The following TOR1AIP2 variants were observed in gnomAD, a reference collection of about 807,000 sequenced individuals.
TOR1AIP2 encodes torsin-1A-interacting protein 2.
Under a neutral mutation model 32.6 loss-of-function variants are expected in TOR1AIP2, and 20 were observed. The observed-to-expected ratio is 0.61, with a 90% CI of 0.43 to 0.89. The LOEUF is 0.89. TOR1AIP2 is among the 40% of genes least tolerant of loss of function. The pLI is 0.00. For synonymous variants in TOR1AIP2, 214 were observed against 210.8 expected (o/e 1.02, Z -0.13); for missense variants, 456 against 553.8 (o/e 0.82, Z 1.77).
At chr1:179,846,934 G>C in intron 6 of TOR1AIP2, 106 bp from the exon 7 acceptor site, 1 of 1,231,488 alleles carries the variant, frequency 8.1e-7, no homozygotes, top group Non-Finnish European at 1.1e-6. Context: ...GTTTTACTAG[G>C]AGCAATAAGT....
At chr1:179,872,059 T>G (rs1392947798) in intron 2 of TOR1AIP2, among the ~76,000 whole-genome samples, 1 of 152,178 alleles carries the variant, frequency 6.6e-6, no homozygotes, top group Non-Finnish European at 1.5e-5. Context: ...TGTTCCCTCT[T>G]TAGAACAGAG....
Position 179,865,587 on chromosome 1 carries a change from G to A in TOR1AIP2, c.-298C>T, listed in dbSNP as rs1041252985. On this transcript the variant is annotated 5_prime_UTR_variant, in exon 3 of 7. Coordinates refer to ENST00000609928, the MANE Select transcript of TOR1AIP2 (RefSeq NM_001199260.2). Reference sequence around the variant, plus strand: ...TTGGCTTACTCTGCTTTGTTGGTAAGGTTATTGTGTCTGCTTGGTGAAACA... The same window carrying A: ...TTGGCTTACTCTGCTTTGTTGGTAAAGTTATTGTGTCTGCTTGGTGAAACA... 6.1e-6 allele frequency: 1 copy of A among 163,038 alleles called. No individual in the cohort carries two copies. Among genetic ancestry groups the A allele is most frequent in the Non-Finnish European group, 1.3e-5 (1 of 75,570 alleles). 10.1% of individuals were successfully genotyped at this position (163,038 alleles called of 1,614,324 possible).
chr1:179,871,864 T>A (rs917444099), intron 2 of TOR1AIP2, among the ~76,000 whole-genome samples: 2 of 152,038 alleles, frequency 1.3e-5, no homozygotes, highest in Non-Finnish European at 2.9e-5. Context: ...GATTAAGGAG[T>A]ATGAAAAAAG....
rs528397570 is a variant in TOR1AIP2, at chr1:179,856,667, A to G, written c.-146-3856T>C. Among the ~76,000 whole-genome samples the G allele has an allele frequency of 2.3e-4, 35 of 152,196 alleles. No homozygotes were observed. The East Asian group carries it at 6.6e-3, about 29-fold the overall frequency. On this transcript the variant is annotated intron_variant, in intron 3 of 6. Transcript: ENST00000609928. The stretch of plus-strand genomic sequence containing the variant: ...GAATCTCACTCTTCGCATAGGCTGG[A>G]GTGAAGTGGTGTAATCTTGGCTCAC...
At chr1:179,865,234 A>T in intron 3 of TOR1AIP2, 1 of 1,528,374 alleles carries the variant, frequency 6.5e-7, no homozygotes, top group East Asian at 2.3e-5. Flanking sequence ...ACAGTGACAG[A>T]GAGAGACGCC....
chr1:179,865,195 C>T (rs769868621), intron 3 of TOR1AIP2: 1 of 1,574,108 alleles, frequency 6.4e-7, no homozygotes, highest in Non-Finnish European at 8.6e-7. Flanking sequence ...AGAAAGACAA[C>T]ACAGACAGCA....
At chr1:179,846,932 A>G in intron 6 of TOR1AIP2, 104 bp from the exon 7 acceptor site, 1 of 1,236,794 alleles carries the variant, frequency 8.1e-7, no homozygotes, top group Non-Finnish European at 1.1e-6. Context: ...AGGTTTTACT[A>G]GGAGCAATAA....
intron 2 of TOR1AIP2, among the ~76,000 whole-genome samples, chr1:179,866,673 G>A (rs1029182126): frequency 5.9e-5 from 9 of 152,152 alleles, no homozygotes; most frequent in East Asian, 1.9e-4. Context: ...CCAAAGTGCC[G>A]GGATTACAGG....
chr1:179,863,783 C>T (rs779664626), intron 3 of TOR1AIP2: 25 of 984,284 alleles, frequency 2.5e-5, no homozygotes, highest in Non-Finnish European at 3.0e-5. Context: ...TACCTAGATA[C>T]CTGGCATGTT....
chr1:179,876,488 T>C (rs948252068), intron 2 of TOR1AIP2, among the ~76,000 whole-genome samples: 1 of 152,254 alleles, frequency 6.6e-6, no homozygotes, highest in Non-Finnish European at 1.5e-5. Context: ...TAAACATTAC[T>C]GAAGACAGGC....
At chr1:179,847,455 A>AT in intron 6 of TOR1AIP2, 80 bp downstream of exon 6, 1 of 926,760 alleles carries the variant, frequency 1.1e-6, no homozygotes, top group Non-Finnish European at 1.8e-6. Context: ...AACTGTTTAA[A>AT]TCTGCTAGTT....
At chr1:179,873,443 C>T (rs953215695) in intron 2 of TOR1AIP2, among the ~76,000 whole-genome samples, 7 of 152,120 alleles carry the variant, frequency 4.6e-5, no homozygotes, top group African/African-American at 1.7e-4. Context: ...ACAGAAATGC[C>T]GCTGTGTCCT....
chr1:179,870,316 G>A (rs998577583), intron 2 of TOR1AIP2, among the ~76,000 whole-genome samples: 3 of 151,962 alleles, frequency 2.0e-5, no homozygotes, highest in South Asian at 2.1e-4. Context: ...GGAGAATGGC[G>A]TGAACCCAGG....
intron 3 of TOR1AIP2, chr1:179,859,306 C>A: frequency 1.2e-6 from 1 of 837,020 alleles, no homozygotes; most frequent in Non-Finnish European, 1.4e-6. Flanking sequence ...AATATTCCTA[C>A]TATTTTAGAG....
Position 179,843,662 on chromosome 1 carries a change from A to C in TOR1AIP2, c.*2409T>G, listed in dbSNP as rs938508720. On this transcript the variant is annotated 3_prime_UTR_variant, in exon 7 of 7. Coordinates refer to ENST00000609928, the MANE Select transcript of TOR1AIP2 (RefSeq NM_001199260.2). ...CACAGTAAGACCCTGTCTCTATACAAAATAGTGTGGTAGAGTGGTGTGGTA... is the reference window on the plus strand; with the variant it reads ...CACAGTAAGACCCTGTCTCTATACACAATAGTGTGGTAGAGTGGTGTGGTA... 4 of 151,922 alleles carry C rather than the reference A, an allele frequency of 2.6e-5. No homozygotes were observed. Among genetic ancestry groups the C allele is most frequent in the African/African-American group, 9.7e-5 (4 of 41,306 alleles). The allele number at this position is 151,922 out of a possible 1,614,324, so 9.4% of individuals were successfully genotyped here. A position where few individuals can be genotyped will look rare whatever the true frequency, so the allele number is the denominator to read the frequency against.
In TOR1AIP2 at chr1:179,842,344, A is replaced by G. The variant is rs1232634884; in HGVS notation, c.*3727T>C. 1 of 152,236 alleles carries G rather than the reference A, an allele frequency of 6.6e-6. No homozygotes were observed. The highest frequency in any genetic ancestry group is 2.4e-5 in the African/African-American group (1 of 41,448). The allele number at this position is 152,236 out of a possible 1,614,324, so 9.4% of individuals were successfully genotyped here. ...ATACACTTGGGGGCTTCCAAATGAAATGTATTGAAATGTCTTTATTGATTG... is the reference window on the plus strand; with the variant it reads ...ATACACTTGGGGGCTTCCAAATGAAGTGTATTGAAATGTCTTTATTGATTG... On this transcript the variant is annotated 3_prime_UTR_variant, in exon 7 of 7. Coordinates refer to ENST00000609928, the MANE Select transcript of TOR1AIP2 (RefSeq NM_001199260.2).
At chr1:179,861,847 TA>T in intron 3 of TOR1AIP2, 3 of 953,196 alleles carry the variant, frequency 3.1e-6, no homozygotes, top group Non-Finnish European at 3.7e-6. Context: ...CCAAAGGTAC[TA>T]TTTATATCTT....
At chr1:179,864,174 G>C in intron 3 of TOR1AIP2, 1 of 985,440 alleles carries the variant, frequency 1.0e-6, no homozygotes, top group Non-Finnish European at 1.2e-6. Context: ...TGATTTATCT[G>C]ACAGTGACCA....
intron 3 of TOR1AIP2, 76 bp from the exon 4 acceptor site, chr1:179,852,887 T>A: frequency 9.1e-7 from 1 of 1,099,176 alleles, no homozygotes; most frequent in Non-Finnish European, 1.2e-6. Context: ...CTTTATTTAT[T>A]AAATATGTGT....
Sources: gnomAD v4.1 joint callset for allele counts (sites outside exome capture counted in the v4.1 genomes callset) on GRCh38, gnomAD v4.1.1 for gene constraint, MANE v1.5 for transcripts, NCBI Gene and HGNC (gene_info 2026-07-23, HGNC 2026-07-21) for gene names.